SV2B: variants seen among roughly 807,000 people sequenced by gnomAD.
The protein encoded by SV2B is solute carrier family 22 member B2.
A neutral mutation model predicts 73.9 loss-of-function variants in SV2B; 41 were observed. The observed-to-expected ratio is 0.56, with a 90% CI of 0.43 to 0.72. The LOEUF (loss-of-function observed/expected upper bound fraction) is 0.72. Among genes scored for constraint, SV2B ranks in the 30% least tolerant of loss-of-function variants. The pLI is 0.00. For missense variants in SV2B, 764 were observed against 857.8 expected (o/e 0.89, Z 1.37); for synonymous variants, 314 against 314.2 (o/e 1.00, Z 0.01).
At chr15:91,166,478 T>G (rs1349351608) in intron 1 of SV2B, among the ~76,000 whole-genome samples, 1 of 152,042 alleles carries the variant, frequency 6.6e-6, no homozygotes. Context: ...ATATGTAAAT[T>G]TATGTCCTAT....
intron 2 of SV2B, among the ~76,000 whole-genome samples, chr15:91,246,294 T>C (rs1297074813): frequency 2.0e-5 from 3 of 152,210 alleles, no homozygotes; most frequent in Admixed American, 2.0e-4. Context: ...ATCACCATCT[T>C]ATTTTTATTT....
rs2048763865 is a variant in SV2B, at chr15:91,283,855, A to G, written c.1508-166A>G. Among the ~76,000 whole-genome samples, 2 of 121,586 alleles carry G rather than the reference A, an allele frequency of 1.6e-5. No individual in the cohort carries two copies. Among genetic ancestry groups the G allele is most frequent in the Non-Finnish European group, 3.4e-5 (2 of 58,840 alleles). 79.8% of individuals were successfully genotyped at this position (121,586 alleles called of 152,430 possible). A position where few individuals can be genotyped will look rare whatever the true frequency, so the allele number is the denominator to read the frequency against. ...TTTTTGGAAGTTTCTCTCCTCATCC[A>G]TACCTTGATGACATGGCCACATATT... On this transcript the variant is annotated intron_variant, in intron 10 of 12. Transcript: ENST00000394232. This position sits in a 1 kb window ranked among gnomAD's most constrained non-coding sequence, Gnocchi z 4.3.
At chr15:91,221,370 A>G (rs1386923165) in intron 1 of SV2B, among the ~76,000 whole-genome samples, 1 of 152,192 alleles carries the variant, frequency 6.6e-6, no homozygotes, top group Non-Finnish European at 1.5e-5. Flanking sequence ...TGGCAGAGTC[A>G]GGATTGGAAC....
Position 91,152,348 on chromosome 15 carries a change from G to C in SV2B, c.-392+51985G>C, listed in dbSNP as rs553254372. Among the ~76,000 whole-genome samples the C allele has an allele frequency of 3.1e-3, 474 of 152,300 alleles. 13 individuals carry two copies. The highest frequency in any genetic ancestry group is 0.011 in the African/African-American group (450 of 41,556). On this transcript the variant is annotated intron_variant, in intron 1 of 12. Coordinates refer to ENST00000394232, the MANE Select transcript of SV2B (RefSeq NM_001323032.3). ...TGGAGGAGCTGGGTGGGAGCTGCCA[G>C]CTTTGCTGATATCGCAGCTGGGATT...
Position 91,239,677 on chromosome 15 carries a change from C to G in SV2B, c.452-12142C>G, listed in dbSNP as rs2046928014. On this transcript the variant is annotated intron_variant, in intron 2 of 12. Transcript: ENST00000394232. This position sits in a 1 kb window ranked among gnomAD's most constrained non-coding sequence, Gnocchi z 5.1. Reference sequence around the variant, plus strand: ...ATAGAGTCTTTCATTAGTATGGTTTCTTTTTTAGAAGGCAGCATGTGTATA... The same window carrying G: ...ATAGAGTCTTTCATTAGTATGGTTTGTTTTTTAGAAGGCAGCATGTGTATA... 6.6e-6 allele frequency among the ~76,000 whole-genome samples: 1 copy of G among 152,086 alleles called. No individual in the cohort carries two copies. The highest frequency in any genetic ancestry group is 2.1e-4 in the South Asian group (1 of 4,820).
rs2047538227 is a variant in SV2B at position 91,252,696 on chromosome 15, C to T, written c.784+176C>T. ...CACATTGTTAATTTCAATTCAATGTCTTTTTTGAAAAATATATCCTGTCCT... is the reference window on the plus strand; with the variant it reads ...CACATTGTTAATTTCAATTCAATGTTTTTTTTGAAAAATATATCCTGTCCT... On this transcript the variant is annotated intron_variant, in intron 4 of 12. Coordinates refer to ENST00000394232, the MANE Select transcript of SV2B (RefSeq NM_001323032.3). This position sits in a 1 kb window ranked among gnomAD's most constrained non-coding sequence, Gnocchi z 4.6. Among the ~76,000 whole-genome samples the T allele has an allele frequency of 6.6e-6, 1 of 152,174 alleles. No homozygotes were observed. The highest frequency in any genetic ancestry group is 2.1e-4 in the South Asian group (1 of 4,832).
At chr15:91,112,530 TTGTTG>T (rs2042065661) in intron 1 of SV2B, among the ~76,000 whole-genome samples, 1 of 152,158 alleles carries the variant, frequency 6.6e-6, no homozygotes, top group African/African-American at 2.4e-5. Context: ...AGCTTTTAGG[TTGTTG>T]TTACCCAAAA....
chr15:91,194,825 G>A (rs745793096), intron 1 of SV2B, among the ~76,000 whole-genome samples: 32 of 152,064 alleles, frequency 2.1e-4, no homozygotes, highest in Non-Finnish European at 4.4e-4. Flanking sequence ...CTTCTTCCCC[G>A]GCTGAATTCA....
chr15:91,260,064 G>A (rs1285236849), intron 5 of SV2B, among the ~76,000 whole-genome samples: 4 of 152,148 alleles, frequency 2.6e-5, no homozygotes, highest in South Asian at 2.1e-4. Context: ...TACTCAGAGT[G>A]TATAATGATG....
chr15:91,226,021 A>C lies in SV2B; in HGVS notation c.-243A>C, dbSNP rs897058823. On this transcript the variant is annotated 5_prime_UTR_variant, in exon 2 of 13. Coordinates refer to ENST00000394232, the MANE Select transcript of SV2B (RefSeq NM_001323032.3). ...AGTCTCTGAAGGAGACCAGAGCTTG[A>C]AACTTTCCAGACTTCCAACAGACAT... The C allele has an allele frequency of 2.5e-5, 13 of 519,598 alleles. No individual in the cohort carries two copies. The highest frequency in any genetic ancestry group is 1.1e-4 in the Admixed American group (3 of 27,238). The allele number at this position is 519,598 out of a possible 1,614,324, so 32.2% of individuals were successfully genotyped here.
At chr15:91,238,627 C>T (rs1052014715) in intron 2 of SV2B, among the ~76,000 whole-genome samples, 2 of 152,216 alleles carry the variant, frequency 1.3e-5, no homozygotes, top group Non-Finnish European at 2.9e-5. Context: ...TCTCTGTAGG[C>T]GAGAGAGGGA....
chr15:91,119,675 C>T (rs2042273309), intron 1 of SV2B, among the ~76,000 whole-genome samples: 1 of 152,204 alleles, frequency 6.6e-6, no homozygotes, highest in African/African-American at 2.4e-5. Flanking sequence ...TGCCAAGTTG[C>T]ATTGTAGAAA....
At chr15:91,161,878 A>T (rs2043732167) in intron 1 of SV2B, among the ~76,000 whole-genome samples, 1 of 152,204 alleles carries the variant, frequency 6.6e-6, no homozygotes, top group Non-Finnish European at 1.5e-5. Flanking sequence ...TCACAAAAGT[A>T]TTTGCATCAT....
In SV2B at chr15:91,281,586, G is replaced by A. The variant is rs781395696; in HGVS notation, c.1374-142G>A. Reference sequence around the variant, plus strand: ...CTAATAAACAAACAGCTAAGAAGTGGGGAAGTGGTCTGGGTTGAAAATAAT... The same window carrying A: ...CTAATAAACAAACAGCTAAGAAGTGAGGAAGTGGTCTGGGTTGAAAATAAT... On this transcript the variant is annotated intron_variant, in intron 9 of 12. Coordinates refer to ENST00000394232, the MANE Select transcript of SV2B (RefSeq NM_001323032.3). This position sits in a 1 kb window ranked among gnomAD's most constrained non-coding sequence, Gnocchi z 4.7. 3.1e-5 allele frequency: 28 copies of A among 917,482 alleles called. No individual in the cohort carries two copies. The highest frequency in any genetic ancestry group is 4.4e-5 in the Non-Finnish European group (28 of 631,158). The allele number at this position is 917,482 out of a possible 1,614,324, so 56.8% of individuals were successfully genotyped here.
intron 1 of SV2B, among the ~76,000 whole-genome samples, chr15:91,134,232 A>G (rs951835431): frequency 1.3e-5 from 2 of 152,036 alleles, no homozygotes; most frequent in African/African-American, 4.8e-5. Flanking sequence ...TCCTGACCTC[A>G]GGTGATTCAC....
Position 91,232,987 on chromosome 15 carries a change from T to C in SV2B, c.451+6273T>C, listed in dbSNP as rs937704872. 6.6e-6 allele frequency among the ~76,000 whole-genome samples: 1 copy of C among 152,240 alleles called. No homozygotes were observed. The highest frequency in any genetic ancestry group is 1.5e-5 in the Non-Finnish European group (1 of 68,044). ...GTTTTCTACTCCTGCATTAATTTGC[T>C]TAGAATTATGGCCTCCAGTTGCATC... On this transcript the variant is annotated intron_variant, in intron 2 of 12. Transcript: ENST00000394232. This position sits in a 1 kb window ranked among gnomAD's most constrained non-coding sequence, Gnocchi z 4.7.
At chr15:91,135,082 C>T (rs1259824984) in intron 1 of SV2B, among the ~76,000 whole-genome samples, 2 of 151,566 alleles carry the variant, frequency 1.3e-5, no homozygotes, top group Non-Finnish European at 2.9e-5. Flanking sequence ...TCACTGCAGC[C>T]TAGACCTCCC....
chr15:91,121,924 G>C lies in SV2B; in HGVS notation c.-392+21561G>C, dbSNP rs1304593828. Among the ~76,000 whole-genome samples the C allele has an allele frequency of 1.3e-5, 2 of 151,994 alleles. No homozygotes were observed. The highest frequency in any genetic ancestry group is 4.8e-5 in the African/African-American group (2 of 41,374). On this transcript the variant is annotated intron_variant, in intron 1 of 12. Transcript: ENST00000394232. This position sits in a 1 kb window ranked among gnomAD's most constrained non-coding sequence, Gnocchi z 4.4. ...CGAGTAGCTGGGACTACAGGTGCCT[G>C]CCACCACCCCCAGCTAATTTTTTGT...
intron 9 of SV2B, among the ~76,000 whole-genome samples, chr15:91,276,805 G>GTTGTTGTTATTATTATTATTA (rs528279430): frequency 9.8e-5 from 9 of 92,096 alleles, no homozygotes; most frequent in African/African-American, 3.0e-4. Flanking sequence ...TATTGTTGTT[G>GTTGTTGTTATTATTATTATTA]TTATTATTAT....
Sources: gnomAD v4.1 joint callset for allele counts (sites outside exome capture counted in the v4.1 genomes callset) on GRCh38, gnomAD v4.1.1 for gene constraint, Gnocchi (gnomAD v3.1) non-coding constraint, MANE v1.5 for transcripts, NCBI Gene and HGNC (gene_info 2026-07-23, HGNC 2026-07-21) for gene names.